STK32B: variants seen among roughly 807,000 people sequenced by gnomAD.
STK32B encodes the protein serine/threonine-protein kinase 32B.
A neutral mutation model predicts 52.6 loss-of-function variants in STK32B; 43 were observed. The observed-to-expected ratio is 0.82, with a 90% CI of 0.64 to 1.05. The LOEUF (loss-of-function observed/expected upper bound fraction) is 1.05. Ranked by LOEUF, STK32B falls within the 50% of genes least tolerant of loss-of-function variation. The pLI, the probability that STK32B is intolerant of heterozygous loss-of-function variation, is 0.00. For missense variants in STK32B, 621 were observed against 534.6 expected (o/e 1.16, Z -1.59); for synonymous variants, 238 against 204.3 (o/e 1.17, Z -1.41).
At chr4:5,091,535 A>C (rs997644071) in intron 1 of STK32B, among the ~76,000 whole-genome samples, 5 of 152,198 alleles carry the variant, frequency 3.3e-5, no homozygotes, top group Non-Finnish European at 7.4e-5. Context: ...ACACTACTTC[A>C]TACTCAATAG....
Position 5,401,095 on chromosome 4 carries a change from A to G in STK32B, c.472+2851A>G, listed in dbSNP as rs1031297454. Among the ~76,000 whole-genome samples the G allele has an allele frequency of 1.1e-4, 17 of 152,164 alleles. 1 individual carries two copies. Among genetic ancestry groups the G allele is most frequent in the Non-Finnish European group, 1.8e-4 (12 of 68,026 alleles). ...GCAGAACTGCAGAAACAAGAGGGGA[A>G]TGGCTGTTTGAGGAATACAACAGCA... On this transcript the variant is annotated intron_variant, in intron 5 of 11. Coordinates refer to ENST00000282908, the MANE Select transcript of STK32B (RefSeq NM_018401.3).
intron 3 of STK32B, among the ~76,000 whole-genome samples, chr4:5,304,653 A>G (rs560472994): frequency 2.6e-5 from 4 of 152,062 alleles, no homozygotes; most frequent in Non-Finnish European, 5.9e-5. Context: ...CTTCCTCATT[A>G]CCAATTTGGA....
intron 11 of STK32B, among the ~76,000 whole-genome samples, chr4:5,490,506 T>G (rs575944516): frequency 6.6e-6 from 1 of 152,266 alleles, no homozygotes; most frequent in East Asian, 1.9e-4. Flanking sequence ...TGTGACTAAA[T>G]TATGTCAGGA....
intron 11 of STK32B, among the ~76,000 whole-genome samples, chr4:5,477,491 A>T (rs771967028): frequency 1.3e-5 from 2 of 152,154 alleles, no homozygotes; most frequent in Non-Finnish European, 2.9e-5. Flanking sequence ...TTCACCACCC[A>T]CCAGCATCCG....
At chr4:5,130,229 C>T (rs1265189992) in intron 1 of STK32B, among the ~76,000 whole-genome samples, 11 of 151,708 alleles carry the variant, frequency 7.3e-5, no homozygotes, top group East Asian at 5.9e-4. Flanking sequence ...ACCAGGCGTT[C>T]CAGGCAGAGG....
At chr4:5,414,357 C>T (rs576602918) in intron 5 of STK32B, among the ~76,000 whole-genome samples, 1 of 98,340 alleles carries the variant, frequency 1.0e-5, no homozygotes, top group Admixed American at 9.2e-5. Context: ...TGGAGGAACA[C>T]CTTGTAATCA....
chr4:5,240,360 C>T (rs1426084372), intron 3 of STK32B, among the ~76,000 whole-genome samples: 6 of 151,980 alleles, frequency 3.9e-5, no homozygotes, highest in African/African-American at 9.7e-5. Flanking sequence ...AATCTTTTGT[C>T]AGTTAGATAC....
At chr4:5,176,256 G>T (rs1232289231) in intron 3 of STK32B, among the ~76,000 whole-genome samples, 3 of 152,126 alleles carry the variant, frequency 2.0e-5, no homozygotes, top group Admixed American at 6.5e-5. Context: ...TCCCAGGTGA[G>T]GCGATGCCTC....
chr4:5,081,831 C>T (rs1377449799), intron 1 of STK32B, among the ~76,000 whole-genome samples: 3 of 152,140 alleles, frequency 2.0e-5, no homozygotes, highest in Non-Finnish European at 4.4e-5. Flanking sequence ...CACTGAGCTT[C>T]TTTAAAAACT....
chr4:5,304,978 A>G (rs780896458), intron 3 of STK32B, among the ~76,000 whole-genome samples: 6 of 151,968 alleles, frequency 3.9e-5, no homozygotes, highest in Non-Finnish European at 8.8e-5. Context: ...CTGTTCATGT[A>G]GTGTATCACA....
At chr4:5,319,559 T>C (rs1022280461) in intron 3 of STK32B, among the ~76,000 whole-genome samples, 2 of 138,058 alleles carry the variant, frequency 1.4e-5, no homozygotes, top group East Asian at 3.9e-4. Flanking sequence ...ATCTTACCCC[T>C]CTCCAGCACG....
chr4:5,152,983 T>A (rs1444040201), intron 2 of STK32B, among the ~76,000 whole-genome samples: 1 of 152,228 alleles, frequency 6.6e-6, no homozygotes, highest in Non-Finnish European at 1.5e-5. Context: ...TTGTCTACCT[T>A]GTCCCACTAA....
the STK32B span, among the ~76,000 whole-genome samples, chr4:5,033,314 C>T: frequency 5.6e-3 from 855 of 152,266 alleles, 3 homozygotes; most frequent in Admixed American, 8.4e-3. Flanking sequence ...GGCCATGGCC[C>T]GTGGAAACCC....
chr4:5,305,265 G>A (rs901940976), intron 3 of STK32B, among the ~76,000 whole-genome samples: 35 of 146,088 alleles, frequency 2.4e-4, no homozygotes, highest in Admixed American at 1.5e-3. Context: ...AGTAGGATTG[G>A]TCCCAATTCT....
At chr4:5,137,839 A>G (rs777584183) in intron 1 of STK32B, among the ~76,000 whole-genome samples, 2 of 152,208 alleles carry the variant, frequency 1.3e-5, no homozygotes, top group African/African-American at 4.8e-5. Flanking sequence ...TCAAAGGCCA[A>G]TGAAAAGTTT....
At chr4:5,486,613 C>A (rs1719232714) in intron 11 of STK32B, among the ~76,000 whole-genome samples, 1 of 152,216 alleles carries the variant, frequency 6.6e-6, no homozygotes, top group African/African-American at 2.4e-5. Flanking sequence ...TCCAACACTC[C>A]CCAGTGAGAT....
intron 3 of STK32B, among the ~76,000 whole-genome samples, chr4:5,330,711 T>C (rs1435276793): frequency 6.6e-6 from 1 of 152,108 alleles, no homozygotes; most frequent in Non-Finnish European, 1.5e-5. Context: ...GAGGCAAAAA[T>C]TAGAAACTGC....
At position 5,460,125 on chromosome 4, in the gene STK32B, G is replaced by A. The variant is rs748608814; in HGVS notation, c.806G>A (p.Ser269Asn). The A allele has an allele frequency of 6.2e-7, 1 of 1,614,208 alleles. No homozygotes were observed. The highest frequency in any genetic ancestry group is 1.1e-5 in the South Asian group (1 of 91,082). Residue 269 changes from serine (S) to asparagine (N), a missense_variant, in exon 9 of 12, where the codon AGC becomes AAC. By Grantham distance (46) the Ser-to-Asn change is conservative. Coordinates refer to ENST00000282908, the MANE Select transcript of STK32B (RefSeq NM_018401.3). The surrounding 1 kb of genome is among the most constrained non-coding windows in gnomAD (Gnocchi z 4.8). ...LRKLLTKDPE[S>N]RVSSLHDIQS... The stretch of plus-strand genomic sequence containing the variant: ...CAGCTCCTGACCAAGGATCCTGAGA[G>A]CCGCGTGTCCAGCCTTCATGACATA...
At chr4:5,307,725 A>G (rs572198699) in intron 3 of STK32B, among the ~76,000 whole-genome samples, 1 of 151,860 alleles carries the variant, frequency 6.6e-6, no homozygotes, top group South Asian at 2.1e-4. Context: ...GAATTACCAT[A>G]TTTTCTGGTT....
Sources: gnomAD v4.1 joint callset for allele counts (sites outside exome capture counted in the v4.1 genomes callset) on GRCh38, gnomAD v4.1.1 for gene constraint, Gnocchi (gnomAD v3.1) non-coding constraint, MANE v1.5 for transcripts, NCBI Gene and HGNC (gene_info 2026-07-23, HGNC 2026-07-21) for gene names.